Variants in PHF24 observed in about 807,000 individuals in gnomAD.
PHF24 encodes the protein PHD finger protein 24.
In PHF24, 25 loss-of-function variants were observed where a neutral mutation model predicts 42.6. The ratio of observed to expected loss-of-function variants is 0.59; its 90% CI spans 0.43 to 0.82. The LOEUF (loss-of-function observed/expected upper bound fraction) is 0.82. Among genes scored for constraint, PHF24 ranks in the 40% least tolerant of loss-of-function variants. The pLI is 0.00. For missense variants in PHF24, 470 were observed against 538.1 expected (o/e 0.87, Z 1.25); for synonymous variants, 185 against 204.8 (o/e 0.90, Z 0.83).
At chr9:34,794,044 G>A in the PHF24 span, among the ~76,000 whole-genome samples, 3 of 151,988 alleles carry the variant, frequency 2.0e-5, no homozygotes. Flanking sequence ...TGGGGAGATT[G>A]CAGAGAGGGA....
the PHF24 span, among the ~76,000 whole-genome samples, chr9:34,733,233 A>T: frequency 6.6e-6 from 1 of 152,132 alleles, no homozygotes; most frequent in Non-Finnish European, 1.5e-5. Flanking sequence ...TTTGTATTTT[A>T]TATATTTATA....
At chr9:34,746,154 T>A in the PHF24 span, among the ~76,000 whole-genome samples, 1 of 152,182 alleles carries the variant, frequency 6.6e-6, no homozygotes, top group African/African-American at 2.4e-5. Flanking sequence ...GGAGGGGTTC[T>A]GGTAAAAACC....
At chr9:34,982,445 C>T (rs1250356619) in exon 8 of PHF24, 1 of 152,268 alleles carries the variant, frequency 6.6e-6, no homozygotes, top group Non-Finnish European at 1.5e-5. Context: ...TCTACAGCTG[C>T]ATGCTCCTCT....
At chr9:34,687,920 A>G in the PHF24 span, among the ~76,000 whole-genome samples, 4 of 152,196 alleles carry the variant, frequency 2.6e-5, no homozygotes, top group African/African-American at 9.7e-5. Context: ...AGTTGGCTGG[A>G]TGGAGGTCTG....
chr9:34,769,266 A>G, the PHF24 span, among the ~76,000 whole-genome samples: 1 of 151,942 alleles, frequency 6.6e-6, no homozygotes, highest in East Asian at 1.9e-4. Context: ...CAGGCACCCA[A>G]CACCACGCCT....
At chr9:34,936,646 T>C in the PHF24 span, among the ~76,000 whole-genome samples, 3 of 131,072 alleles carry the variant, frequency 2.3e-5, no homozygotes, top group Non-Finnish European at 4.9e-5. Flanking sequence ...CCGGCCGCCA[T>C]CCCATCTAGG....
At chr9:34,757,158 C>A in the PHF24 span, among the ~76,000 whole-genome samples, 822 of 152,260 alleles carry the variant, frequency 5.4e-3, 11 homozygotes, top group African/African-American at 0.019. Flanking sequence ...CCACTTCGGT[C>A]TCCCAAAGTG....
chr9:34,963,258 GT>G (rs55701555), intron 1 of PHF24, among the ~76,000 whole-genome samples: 14,536 of 117,026 alleles, frequency 0.12, 1,256 homozygotes, highest in African/African-American at 0.34. Flanking sequence ...CTTTTTGATG[GT>G]TTTTTTTTTT....
chr9:34,852,046 C>G, the PHF24 span, among the ~76,000 whole-genome samples: 1 of 152,130 alleles, frequency 6.6e-6, no homozygotes, highest in Non-Finnish European at 1.5e-5. Context: ...ACCCCTGAGA[C>G]AGCAAGACCA....
chr9:34,758,748 G>T, the PHF24 span, among the ~76,000 whole-genome samples: 22 of 152,174 alleles, frequency 1.4e-4, no homozygotes, highest in African/African-American at 5.3e-4. The surrounding 1 kb of genome is among the most constrained non-coding windows in gnomAD (Gnocchi z 4.4). Context: ...GCAGGGCAAT[G>T]TAGCTGTGTG....
the PHF24 span, among the ~76,000 whole-genome samples, chr9:34,699,316 A>G: frequency 3.3e-5 from 5 of 152,234 alleles, no homozygotes; most frequent in Non-Finnish European, 7.3e-5. Context: ...GAGACAGCTG[A>G]TTACAGCCCC....
At chr9:34,885,867 G>A in the PHF24 span, among the ~76,000 whole-genome samples, 4 of 151,326 alleles carry the variant, frequency 2.6e-5, no homozygotes, top group Non-Finnish European at 5.9e-5. Flanking sequence ...AACTGCTTGG[G>A]CCCTAATAGT....
chr9:34,936,638 G>C, the PHF24 span, among the ~76,000 whole-genome samples: 140 of 149,832 alleles, frequency 9.3e-4, 3 homozygotes, highest in South Asian at 0.029. Flanking sequence ...GCCTCTTCCC[G>C]GCCGCCATCC....
At chr9:34,763,196 C>T in the PHF24 span, among the ~76,000 whole-genome samples, 2 of 152,086 alleles carry the variant, frequency 1.3e-5, no homozygotes, top group Non-Finnish European at 2.9e-5. Context: ...TTTTTGGTTC[C>T]ATATGAACTT....
the PHF24 span, among the ~76,000 whole-genome samples, chr9:34,746,445 A>G: frequency 6.6e-6 from 1 of 152,206 alleles, no homozygotes; most frequent in Non-Finnish European, 1.5e-5. Context: ...CACATATAAA[A>G]TCAGCAATAC....
chr9:34,972,366 T>C (rs1259568345), exon 3 of PHF24: 1 of 1,610,652 alleles, frequency 6.2e-7, no homozygotes, highest in South Asian at 1.1e-5. Flanking sequence ...ATGAGATGTG[T>C]GATGTTTGTG....
the PHF24 span, among the ~76,000 whole-genome samples, chr9:34,739,863 G>T: frequency 2.0e-5 from 3 of 152,212 alleles, no homozygotes; most frequent in South Asian, 4.1e-4. Context: ...GAGCCAAGTG[G>T]TCTGTTTTGA....
the PHF24 span, among the ~76,000 whole-genome samples, chr9:34,693,515 C>T: frequency 6.6e-6 from 1 of 152,174 alleles, no homozygotes; most frequent in African/African-American, 2.4e-5. Context: ...TTACTTCCCA[C>T]TTACCACATC....
the PHF24 span, among the ~76,000 whole-genome samples, chr9:34,906,311 A>G: frequency 6.6e-6 from 1 of 152,166 alleles, no homozygotes; most frequent in Non-Finnish European, 1.5e-5. Context: ...CAAGGTCATA[A>G]ATCAGTACAT....
Sources: gnomAD v4.1 joint callset for allele counts (sites outside exome capture counted in the v4.1 genomes callset) on GRCh38, gnomAD v4.1.1 for gene constraint, Gnocchi (gnomAD v3.1) non-coding constraint, MANE v1.5 for transcripts, NCBI Gene and HGNC (gene_info 2026-07-23, HGNC 2026-07-21) for gene names.